The following NUDCD1 variants were observed in gnomAD, a reference collection of about 807,000 sequenced individuals.
NUDCD1 encodes nudC domain-containing protein 1.
NUDCD1 carries 60 observed loss-of-function variants against 67.8 expected under a neutral mutation model. The observed-to-expected ratio is 0.88, with a 90% CI of 0.72 to 1.10. The LOEUF is 1.10. NUDCD1 is among the 50% of genes least tolerant of loss of function. NUDCD1 has a pLI of 0.00. For missense variants in NUDCD1, 643 were observed against 695.0 expected (o/e 0.93, Z 0.84); for synonymous variants, 244 against 230.8 (o/e 1.06, Z -0.52).
intron 3 of NUDCD1, among the ~76,000 whole-genome samples, chr8:109,295,264 C>A (rs1033982594): frequency 5.9e-5 from 9 of 152,076 alleles, no homozygotes; most frequent in Non-Finnish European, 1.2e-4. Context: ...CAGCTCAATA[C>A]CAGATAAATT....
At chr8:109,279,675 T>C (rs1264938775) in intron 6 of NUDCD1, among the ~76,000 whole-genome samples, 1 of 152,164 alleles carries the variant, frequency 6.6e-6, no homozygotes, top group African/African-American at 2.4e-5. Context: ...TTCACTCTTA[T>C]TGCCCAGGGC....
chr8:109,290,050 G>A, intron 4 of NUDCD1, 117 bp from the exon 5 acceptor site: 2 of 517,226 alleles, frequency 3.9e-6, no homozygotes, highest in South Asian at 7.1e-5. Flanking sequence ...TTATTAAAAG[G>A]TACACTATTA....
intron 1 of NUDCD1, among the ~76,000 whole-genome samples, chr8:109,322,987 A>G (rs551325151): frequency 6.6e-6 from 1 of 152,346 alleles, no homozygotes; most frequent in Admixed American, 6.5e-5. Context: ...TTCCAAGGGT[A>G]CAGAGCAAAA....
intron 5 of NUDCD1, among the ~76,000 whole-genome samples, chr8:109,282,806 A>G (rs1324165702): frequency 3.3e-5 from 5 of 151,868 alleles, no homozygotes; most frequent in African/African-American, 1.2e-4. Flanking sequence ...CGTTCTGCAC[A>G]TGTATCCCAG....
intron 8 of NUDCD1, among the ~76,000 whole-genome samples, chr8:109,261,957 TACAC>T (rs1813872265): frequency 6.6e-6 from 1 of 152,008 alleles, no homozygotes; most frequent in Admixed American, 6.6e-5. Flanking sequence ...CTAGTACACA[TACAC>T]ACACAGGTAT....
At chr8:109,251,960 C>T (rs1353070797) in intron 8 of NUDCD1, among the ~76,000 whole-genome samples, 1 of 152,096 alleles carries the variant, frequency 6.6e-6, no homozygotes, top group African/African-American at 2.4e-5. Flanking sequence ...TCGTTCAATA[C>T]AAAATATGTT....
chr8:109,301,029 C>G (rs1410726572), intron 2 of NUDCD1, among the ~76,000 whole-genome samples: 1 of 151,510 alleles, frequency 6.6e-6, no homozygotes, highest in African/African-American at 2.4e-5. Context: ...AAGACACAGT[C>G]TTCTTCAGAC....
chr8:109,294,927 C>A (rs573864762), intron 3 of NUDCD1, among the ~76,000 whole-genome samples: 1 of 152,090 alleles, frequency 6.6e-6, no homozygotes, highest in East Asian at 1.9e-4. Flanking sequence ...CTTAAAGTGA[C>A]CAATATTCCA....
At chr8:109,283,013 G>T (rs554192910) in intron 5 of NUDCD1, among the ~76,000 whole-genome samples, 5 of 152,124 alleles carry the variant, frequency 3.3e-5, no homozygotes, top group African/African-American at 1.2e-4. Context: ...AGCTCAACAA[G>T]ATCTAAGACA....
chr8:109,303,528 T>G (rs552590171), intron 2 of NUDCD1, among the ~76,000 whole-genome samples: 2 of 152,272 alleles, frequency 1.3e-5, no homozygotes, highest in East Asian at 3.9e-4. Context: ...TTTTATGCAC[T>G]CCTTGTTAGT....
At chr8:109,321,285 T>C (rs1311633190) in intron 2 of NUDCD1, among the ~76,000 whole-genome samples, 1 of 152,072 alleles carries the variant, frequency 6.6e-6, no homozygotes, top group African/African-American at 2.4e-5. Context: ...CATATGAAGG[T>C]GAAAAACATA....
At chr8:109,291,772 A>C (rs1814717899) in intron 4 of NUDCD1, among the ~76,000 whole-genome samples, 1 of 152,178 alleles carries the variant, frequency 6.6e-6, no homozygotes, top group Non-Finnish European at 1.5e-5. Flanking sequence ...CAAAGAAACG[A>C]AGACAAACGG....
chr8:109,242,014 T>C lies in NUDCD1; in HGVS notation c.*995A>G, dbSNP rs1482589840. 5 of 397,630 alleles carry C rather than the reference T, an allele frequency of 1.3e-5. No homozygotes were observed. The Admixed American group carries it at 1.8e-4, about 14-fold the overall frequency. 24.6% of individuals were successfully genotyped at this position (397,630 alleles called of 1,614,324 possible). A position where few individuals can be genotyped will look rare whatever the true frequency, so the allele number is the denominator to read the frequency against. On this transcript the variant is annotated 3_prime_UTR_variant, in exon 10 of 10. Transcript: ENST00000239690. ...ATAACATATAAACAGGATTATTTTG[T>C]TGAAGTTGTTAGAAAAATAAAGAGA...
chr8:109,330,326 C>CCA lies in NUDCD1; in HGVS notation c.118+3565_118+3566dup, dbSNP rs1361445940. Among the ~76,000 whole-genome samples, 11 of 152,200 alleles carry CCA rather than the reference C, an allele frequency of 7.2e-5. No homozygotes were observed. The South Asian group carries it at 2.3e-3, about 32-fold the overall frequency. On this transcript the variant is annotated intron_variant, in intron 1 of 9. Transcript: ENST00000239690. The stretch of plus-strand genomic sequence containing the variant: ...GCCTCATTGCATCAAGTTCTTGACA[C>CCA]CAGAGACCACATCATCTTTACATCT...
chr8:109,300,397 A>G (rs1814958682), intron 2 of NUDCD1, among the ~76,000 whole-genome samples: 1 of 152,296 alleles, frequency 6.6e-6, no homozygotes, highest in East Asian at 1.9e-4. Flanking sequence ...AATAGCATAA[A>G]TAAAAAACAA....
intron 8 of NUDCD1, 133 bp downstream of exon 8, chr8:109,270,872 C>T: frequency 1.8e-6 from 1 of 552,950 alleles, no homozygotes; most frequent in South Asian, 3.0e-5. Context: ...TGAAAAGATG[C>T]TACTTTATGG....
intron 1 of NUDCD1, among the ~76,000 whole-genome samples, chr8:109,323,537 T>A (rs1358320309): frequency 2.6e-5 from 4 of 152,046 alleles, no homozygotes; most frequent in African/African-American, 9.7e-5. Flanking sequence ...ATAATTAAAT[T>A]GTGATAAAGA....
chr8:109,292,408 C>T (rs533998855), intron 4 of NUDCD1, among the ~76,000 whole-genome samples: 1 of 141,816 alleles, frequency 7.1e-6, no homozygotes, highest in South Asian at 2.3e-4. Flanking sequence ...TATTTATAAA[C>T]AATTTTGAGA....
At chr8:109,288,564 G>A (rs1814626785) in intron 5 of NUDCD1, among the ~76,000 whole-genome samples, 1 of 152,092 alleles carries the variant, frequency 6.6e-6, no homozygotes. Context: ...ACAACTTTTT[G>A]TATTCAGAGG....
Sources: allele counts gnomAD v4.1 joint callset (sites outside exome capture counted in the v4.1 genomes callset), GRCh38; gene constraint gnomAD v4.1.1; transcripts MANE v1.5; gene names NCBI Gene and HGNC (gene_info 2026-07-23, HGNC 2026-07-21).